Variants in JAM2 observed in about 807,000 individuals in gnomAD.
JAM2 encodes junctional adhesion molecule B.
JAM2 carries 17 observed loss-of-function variants against 42.0 expected under a neutral mutation model. That is an observed-to-expected ratio of 0.40 (90% confidence interval 0.28 to 0.61). The LOEUF is 0.61. JAM2 is among the 20% of genes least tolerant of loss of function. The pLI, the probability that JAM2 is intolerant of heterozygous loss-of-function variation, is 0.37. For missense variants in JAM2, 319 were observed against 358.3 expected, an observed-to-expected ratio of 0.89 and a Z score of 0.89; for synonymous variants, 118 against 128.6, an observed-to-expected ratio of 0.92 and a Z score of 0.56.
rs372425202 is a variant in JAM2, at chr21:25,680,853, A to G, written c.68-3030A>G. 2.6e-5 allele frequency among the ~76,000 whole-genome samples: 4 copies of G among 152,168 alleles called. No individual in the cohort carries two copies. The East Asian group carries it at 5.8e-4, about 22-fold the overall frequency. On this transcript the variant is annotated intron_variant, in intron 1 of 9. Coordinates refer to ENST00000480456, the MANE Select transcript of JAM2 (RefSeq NM_021219.4). ...CAAGGAGGAGGAAGAAGAACTCACA[A>G]AGCAGACAGAATGAAGCACCAGGAT...
intron 1 of JAM2, among the ~76,000 whole-genome samples, chr21:25,652,026 T>G (rs1054595281): frequency 6.6e-6 from 1 of 152,224 alleles, no homozygotes; most frequent in East Asian, 1.9e-4. Context: ...ATTTTAAATG[T>G]TTTATTTCAA....
chr21:25,692,724 A>G (rs1043836365), intron 3 of JAM2, among the ~76,000 whole-genome samples: 2 of 152,214 alleles, frequency 1.3e-5, no homozygotes, highest in African/African-American at 4.8e-5. Context: ...CGCAATTTTT[A>G]TATTTGTTAC....
intron 2 of JAM2, among the ~76,000 whole-genome samples, chr21:25,684,650 T>A (rs1415111320): frequency 6.6e-6 from 1 of 152,154 alleles, no homozygotes; most frequent in Non-Finnish European, 1.5e-5. Flanking sequence ...TCACCCACAC[T>A]GGAGTGCAGT....
chr21:25,683,491 C>G (rs920171536), intron 1 of JAM2, among the ~76,000 whole-genome samples: 1 of 151,982 alleles, frequency 6.6e-6, no homozygotes, highest in Admixed American at 6.6e-5. Context: ...ATTCATAAAG[C>G]TATTTATACT....
chr21:25,664,969 T>C (rs958033899), intron 1 of JAM2, among the ~76,000 whole-genome samples: 1 of 152,360 alleles, frequency 6.6e-6, no homozygotes, highest in East Asian at 1.9e-4. Context: ...AAGAGAATAG[T>C]GTCACAATAG....
At chr21:25,684,348 T>C (rs1213556357) in intron 2 of JAM2, among the ~76,000 whole-genome samples, 1 of 152,192 alleles carries the variant, frequency 6.6e-6, no homozygotes, top group Admixed American at 6.6e-5. Context: ...TGTTCTTATC[T>C]ATTTTAGCTT....
chr21:25,659,451 C>G (rs748139453), intron 1 of JAM2, among the ~76,000 whole-genome samples: 5 of 152,096 alleles, frequency 3.3e-5, no homozygotes, highest in Non-Finnish European at 7.4e-5. Context: ...ACTCTTTTAG[C>G]TGATTTCTTT....
At chr21:25,654,632 A>T (rs942879218) in intron 1 of JAM2, among the ~76,000 whole-genome samples, 1 of 138,906 alleles carries the variant, frequency 7.2e-6, no homozygotes. Flanking sequence ...TGGGCAACAG[A>T]GTGAGACTTT....
chr21:25,683,791 A>G, intron 1 of JAM2, 92 bp from the exon 2 acceptor site: 3 of 866,776 alleles, frequency 3.5e-6, no homozygotes, highest in Non-Finnish European at 5.5e-6. Flanking sequence ...ACCAAACTTT[A>G]GGACAGTTTT....
intron 4 of JAM2, among the ~76,000 whole-genome samples, chr21:25,695,635 G>A (rs1263528200): frequency 1.3e-5 from 2 of 150,808 alleles, no homozygotes; most frequent in African/African-American, 2.4e-5. Flanking sequence ...ATGGGGCGGC[G>A]GCAGGGCGGA....
chr21:25,645,689 C>T (rs2032587959), intron 1 of JAM2, among the ~76,000 whole-genome samples: 1 of 152,088 alleles, frequency 6.6e-6, no homozygotes, highest in African/African-American at 2.4e-5. Context: ...AGAAATGTGT[C>T]GTTAGGTGAT....
intron 5 of JAM2, 59 bp downstream of exon 5, chr21:25,698,938 T>A: frequency 6.9e-7 from 1 of 1,452,194 alleles, no homozygotes; most frequent in Non-Finnish European, 9.6e-7. Flanking sequence ...AAAAAATTAT[T>A]AGAACTTAAG....
intron 1 of JAM2, among the ~76,000 whole-genome samples, chr21:25,670,963 G>A (rs182975970): frequency 4.6e-5 from 7 of 152,306 alleles, no homozygotes; most frequent in Non-Finnish European, 8.8e-5. Context: ...TCTTCTGTAA[G>A]CACTTGTGGT....
chr21:25,696,334 A>G lies in JAM2; in HGVS notation c.395-2343A>G, dbSNP rs540801123. Among the ~76,000 whole-genome samples, 11 of 152,264 alleles carry G rather than the reference A, an allele frequency of 7.2e-5. No homozygotes were observed. The South Asian group carries it at 2.3e-3, about 32-fold the overall frequency. ...GGAGGTTGCAGTGAGCCGAGATGGC[A>G]GCAGTACAGTCCAGCTTCCGCTCGG... is the stretch of plus-strand genomic sequence containing the variant. On this transcript the variant is annotated intron_variant, in intron 4 of 9. Coordinates refer to ENST00000480456, the MANE Select transcript of JAM2 (RefSeq NM_021219.4).
In JAM2 at chr21:25,716,332, C is replaced by G. The variant is rs1601076476; in HGVS notation, c.*1660C>G. 1 of 152,152 alleles carries G rather than the reference C, an allele frequency of 6.6e-6. No homozygotes were observed. Among genetic ancestry groups the G allele is most frequent in the Non-Finnish European group, 1.5e-5 (1 of 68,056 alleles). The allele number at this position is 152,152 out of a possible 1,614,324, so 9.4% of individuals were successfully genotyped here. A position where few individuals can be genotyped will look rare whatever the true frequency, so the allele number is the denominator to read the frequency against. Reference sequence around the variant, plus strand: ...TTTCAAAAGAGTCTGCTCTTTCTACCCAATTGGCGAAGCAAATCCCCAGGA... The same window carrying G: ...TTTCAAAAGAGTCTGCTCTTTCTACGCAATTGGCGAAGCAAATCCCCAGGA... On this transcript the variant is annotated 3_prime_UTR_variant, in exon 10 of 10. Coordinates refer to ENST00000480456, the MANE Select transcript of JAM2 (RefSeq NM_021219.4).
chr21:25,702,414 G>A, intron 6 of JAM2, 145 bp downstream of exon 6: 1 of 485,778 alleles, frequency 2.1e-6, no homozygotes, highest in Non-Finnish European at 3.7e-6. Context: ...AACTTGATAT[G>A]ATGTGTTGCA....
chr21:25,714,035 A>G (rs1410655018), intron 9 of JAM2, among the ~76,000 whole-genome samples: 1 of 152,202 alleles, frequency 6.6e-6, no homozygotes, highest in Non-Finnish European at 1.5e-5. Context: ...CCTGTACATC[A>G]TAGGATGTGT....
intron 6 of JAM2, among the ~76,000 whole-genome samples, chr21:25,704,660 G>GT (rs2034235377): frequency 6.6e-6 from 1 of 152,216 alleles, no homozygotes; most frequent in African/African-American, 2.4e-5. Flanking sequence ...TACATGGGAA[G>GT]TATCTAAATG....
intron 1 of JAM2, among the ~76,000 whole-genome samples, chr21:25,675,076 G>C (rs961937229): frequency 6.6e-6 from 1 of 152,130 alleles, no homozygotes; most frequent in African/African-American, 2.4e-5. Flanking sequence ...AGTGGCTTCT[G>C]CTTCTGGGGA....
Sources: allele counts gnomAD v4.1 joint callset (sites outside exome capture counted in the v4.1 genomes callset), GRCh38; gene constraint gnomAD v4.1.1; transcripts MANE v1.5; gene names NCBI Gene and HGNC (gene_info 2026-07-23, HGNC 2026-07-21).